The following TCF7L2 variants were observed in gnomAD, a reference collection of about 807,000 sequenced individuals.
TCF7L2 encodes the protein transcription factor 7 like 2.
In TCF7L2, 23 loss-of-function variants were observed where a neutral mutation model predicts 77.9. The ratio of observed to expected loss-of-function variants is 0.30; its 90% CI spans 0.21 to 0.42. The LOEUF is 0.42. Among genes scored for constraint, TCF7L2 ranks in the 10% least tolerant of loss-of-function variants. The probability of loss-of-function intolerance (pLI) is 1.00; values close to 1 mark genes in which losing one functional copy is unlikely to be tolerated. For synonymous variants in TCF7L2, 413 were observed against 340.2 expected, an observed-to-expected ratio of 1.21 and a Z score of -2.36; for missense variants, 654 against 793.1, an observed-to-expected ratio of 0.82 and a Z score of 2.11.
At chr10:113,057,160 T>G (rs545740898) in intron 5 of TCF7L2, among the ~76,000 whole-genome samples, 1 of 152,320 alleles carries the variant, frequency 6.6e-6, no homozygotes, top group East Asian at 1.9e-4. Context: ...TTGGTTTCTC[T>G]CCCTTCCTCT....
intron 5 of TCF7L2, among the ~76,000 whole-genome samples, chr10:113,127,935 A>G (rs989170945): frequency 1.5e-4 from 22 of 148,184 alleles, no homozygotes; most frequent in Non-Finnish European, 5.9e-5. Flanking sequence ...TCTTAGTCAA[A>G]GTTGCCCATC....
intron 5 of TCF7L2, among the ~76,000 whole-genome samples, chr10:113,060,453 A>G (rs1322267337): frequency 6.6e-6 from 1 of 152,140 alleles, no homozygotes; most frequent in African/African-American, 2.4e-5. Flanking sequence ...TGTTTGTTAG[A>G]TAAACTTGTT....
intron 4 of TCF7L2, among the ~76,000 whole-genome samples, chr10:112,974,636 G>A (rs2039016750): frequency 6.6e-6 from 1 of 151,932 alleles, no homozygotes; most frequent in East Asian, 1.9e-4. Flanking sequence ...GTAGAGACGG[G>A]GTTTCACCAT....
intron 4 of TCF7L2, among the ~76,000 whole-genome samples, chr10:112,984,830 C>T (rs1033076789): frequency 1.7e-4 from 26 of 152,136 alleles, no homozygotes; most frequent in African/African-American, 5.6e-4. Context: ...AGGATGGATG[C>T]AGTGGTAAGA....
chr10:113,070,851 A>G lies in TCF7L2; in HGVS notation c.552+30725A>G, dbSNP rs758796539. On this transcript the variant is annotated intron_variant, in intron 5 of 13. Transcript: ENST00000627217. ...GCAATTCAGTGGTTGTAGTAGATTCAGGAGTTGTGCGAGCATCGTCACAGT... is the reference window on the plus strand; with the variant it reads ...GCAATTCAGTGGTTGTAGTAGATTCGGGAGTTGTGCGAGCATCGTCACAGT... 8.3e-4 allele frequency among the ~76,000 whole-genome samples: 127 copies of G among 152,214 alleles called. 1 individual carries two copies. Among genetic ancestry groups the G allele is most frequent in the Non-Finnish European group, 1.0e-3 (68 of 68,034 alleles).
intron 5 of TCF7L2, chr10:113,126,547 G>GT (rs1318971649): frequency 1.5e-4 from 145 of 984,930 alleles, no homozygotes; most frequent in Admixed American, 8.0e-4. Flanking sequence ...AAAAAGAAGA[G>GT]TAAGAAAGCC....
At chr10:113,154,259 G>A (rs1222902271) in intron 11 of TCF7L2, among the ~76,000 whole-genome samples, 1 of 152,170 alleles carries the variant, frequency 6.6e-6, no homozygotes, top group Non-Finnish European at 1.5e-5. Context: ...TAGCAGGCAG[G>A]CTCCATAGCC....
chr10:113,083,695 G>A (rs556651663), intron 5 of TCF7L2, among the ~76,000 whole-genome samples: 9 of 152,174 alleles, frequency 5.9e-5, no homozygotes, highest in Non-Finnish European at 1.2e-4. Flanking sequence ...TGGCATCCTT[G>A]TGTGTGAATA....
At chr10:113,162,301 T>G (rs2073286288) in intron 13 of TCF7L2, among the ~76,000 whole-genome samples, 1 of 152,070 alleles carries the variant, frequency 6.6e-6, no homozygotes, top group South Asian at 2.1e-4. Context: ...GTACCTAGTT[T>G]GTTTATTTTA....
chr10:113,025,224 T>C (rs2048942833), intron 4 of TCF7L2, among the ~76,000 whole-genome samples: 1 of 148,706 alleles, frequency 6.7e-6, no homozygotes, highest in African/African-American at 2.5e-5. Flanking sequence ...CTGGATTTTT[T>C]TTTTTTTTTT....
chr10:113,067,931 TCTTTGAGAACCAGGATTTTC>T (rs1276542484), intron 5 of TCF7L2, among the ~76,000 whole-genome samples: 1 of 152,090 alleles, frequency 6.6e-6, no homozygotes, highest in African/African-American at 2.4e-5. Context: ...GGGCTCATAA[TCTTTGAGAACCAGGATTTTC>T]CTTAAATTGC....
In TCF7L2 at chr10:113,070,219, G is replaced by T. The variant is rs1010040511; in HGVS notation, c.552+30093G>T. Among the ~76,000 whole-genome samples the T allele has an allele frequency of 2.7e-5, 4 of 148,500 alleles. No individual in the cohort carries two copies. In the Admixed American group the frequency reaches 2.7e-4, roughly 10 times the overall value. The stretch of plus-strand genomic sequence containing the variant: ...TGCAGTGAGCCGAGATGGTGCCACT[G>T]CACTCCAGCCTGGCGACAGAGTGAG... On this transcript the variant is annotated intron_variant, in intron 5 of 13. Coordinates refer to ENST00000627217, the MANE Select transcript of TCF7L2 (RefSeq NM_001146274.2).
At chr10:113,160,509 A>C in intron 12 of TCF7L2, 1 of 910,688 alleles carries the variant, frequency 1.1e-6, no homozygotes, top group Non-Finnish European at 1.6e-6. Flanking sequence ...AGATTATCAA[A>C]TAGAACCAAG....
At chr10:113,106,974 A>G (rs763138041) in intron 5 of TCF7L2, among the ~76,000 whole-genome samples, 28 of 152,222 alleles carry the variant, frequency 1.8e-4, no homozygotes, top group African/African-American at 2.9e-4. Flanking sequence ...TGAGTTGACC[A>G]TGATCAGAAT....
At chr10:113,039,866 T>A (rs988306913) in intron 4 of TCF7L2, among the ~76,000 whole-genome samples, 159 bp from the exon 5 acceptor site, 2 of 152,238 alleles carry the variant, frequency 1.3e-5, no homozygotes, top group Admixed American at 6.5e-5. Flanking sequence ...AGGAAGACCC[T>A]ATTGGAATTG....
chr10:113,156,497 CTTTTAGCTGTTCTGAAACATA>C (rs2071926923), intron 11 of TCF7L2, among the ~76,000 whole-genome samples: 1 of 152,190 alleles, frequency 6.6e-6, no homozygotes, highest in South Asian at 2.1e-4. Context: ...GCAAAGGCAA[CTTTTAGCTGTTCTGAAACATA>C]TAGCAGTGTA....
rs1054460493 is a variant in TCF7L2 at position 113,024,681 on chromosome 10, G to A, written c.451-15344G>A. ...GTTCCCCAGGCTGGAATGCAGTGGT[G>A]TGATCTCGGCTCACTGCAACCTCTA... is the stretch of plus-strand genomic sequence containing the variant. On this transcript the variant is annotated intron_variant, in intron 4 of 13. Transcript: ENST00000627217. Among the ~76,000 whole-genome samples, 3 of 142,856 alleles carry A rather than the reference G, an allele frequency of 2.1e-5. No individual in the cohort carries two copies. In the South Asian group the frequency reaches 6.6e-4, roughly 32 times the overall value. The allele number at this position is 142,856 out of a possible 152,430, so 93.7% of individuals were successfully genotyped here. A position where few individuals can be genotyped will look rare whatever the true frequency, so the allele number is the denominator to read the frequency against.
rs201380051 is a variant in TCF7L2, at chr10:113,097,644, C to CG, written c.553-43538dup. 1.9e-3 allele frequency among the ~76,000 whole-genome samples: 100 copies of CG among 53,878 alleles called. 6 individuals are homozygous for CG. The highest frequency in any genetic ancestry group is 9.7e-3 in the African/African-American group (95 of 9,842). 35.3% of individuals were successfully genotyped at this position (53,878 alleles called of 152,430 possible). On this transcript the variant is annotated intron_variant, in intron 5 of 13. Transcript: ENST00000627217. The stretch of plus-strand genomic sequence containing the variant: ...GGGTGACAGAGTAAGACTCTTGTCT[C>CG]GGAAAAAAAAAAAAAAAAAAAAAAA...
intron 4 of TCF7L2, among the ~76,000 whole-genome samples, chr10:112,966,609 A>G (rs1379576567): frequency 6.6e-6 from 1 of 152,126 alleles, no homozygotes; most frequent in African/African-American, 2.4e-5. Flanking sequence ...TGAATAGGAT[A>G]GTGATCCTTA....
Sources: gnomAD v4.1 joint callset for allele counts (sites outside exome capture counted in the v4.1 genomes callset) on GRCh38, gnomAD v4.1.1 for gene constraint, MANE v1.5 for transcripts, NCBI Gene and HGNC (gene_info 2026-07-23, HGNC 2026-07-21) for gene names.